DYNC2LI1: variants seen among roughly 807,000 people sequenced by gnomAD.
DYNC2LI1 encodes dynein cytoplasmic 2 light intermediate chain 1.
Under a neutral mutation model 51.9 loss-of-function variants are expected in DYNC2LI1, and 45 were observed. The observed-to-expected ratio is 0.87, with a 90% CI of 0.68 to 1.11. The LOEUF is 1.11. Ranked by LOEUF, DYNC2LI1 falls within the 50% of genes most tolerant of loss-of-function variation. DYNC2LI1 has a pLI of 0.00. For synonymous variants in DYNC2LI1, 130 were observed against 137.8 expected (o/e 0.94, Z 0.40); for missense variants, 490 against 417.4 (o/e 1.17, Z -1.51).
At chr2:43,798,142 A>G (rs527268913) in intron 8 of DYNC2LI1, among the ~76,000 whole-genome samples, 2 of 152,218 alleles carry the variant, frequency 1.3e-5, no homozygotes, top group Admixed American at 6.5e-5. Context: ...TTACATTTGA[A>G]TAATTATTTA....
intron 8 of DYNC2LI1, among the ~76,000 whole-genome samples, chr2:43,798,729 C>CT (rs1665974718): frequency 1.3e-5 from 2 of 152,124 alleles, no homozygotes; most frequent in African/African-American, 2.4e-5. Flanking sequence ...TTTAATAAGC[C>CT]TAAAGGAACA....
At chr2:43,779,517 C>T (rs1673178461) in intron 2 of DYNC2LI1, among the ~76,000 whole-genome samples, 1 of 152,166 alleles carries the variant, frequency 6.6e-6, no homozygotes, top group African/African-American at 2.4e-5. Context: ...GGCATTCTCC[C>T]TGGGAAGCAA....
intron 7 of DYNC2LI1, 56 bp from the exon 8 acceptor site, chr2:43,796,662 C>A: frequency 7.9e-7 from 1 of 1,265,820 alleles, no homozygotes; most frequent in African/African-American, 1.5e-5. Flanking sequence ...TAATTTGAAT[C>A]TTCCTGCTAT....
chr2:43,796,638 T>C, intron 7 of DYNC2LI1, 80 bp from the exon 8 acceptor site: 1 of 997,232 alleles, frequency 1.0e-6, no homozygotes, highest in East Asian at 2.5e-5. Context: ...AGAAATAATC[T>C]ATTCTACATT....
At chr2:43,823,897 G>GCACGTGGGCACTTA in the DYNC2LI1 span, 1 of 1,612,806 alleles carries the variant, frequency 6.2e-7, no homozygotes, top group East Asian at 2.2e-5. Context: ...TGCACCTCCA[G>GCACGTGGGCACTTA]CACGTGGGCA....
chr2:43,822,470 T>TGCC, the DYNC2LI1 span: 5 of 354,558 alleles, frequency 1.4e-5, no homozygotes, highest in Non-Finnish European at 1.1e-5. Context: ...CTTTCTCCCC[T>TGCC]CCCCCAGGCC....
downstream of DYNC2LI1, chr2:43,813,352 A>G (rs369394704): frequency 6.9e-5 from 96 of 1,384,692 alleles, no homozygotes; most frequent in Non-Finnish European, 9.8e-5. Context: ...GGTTTATCTC[A>G]GGTAATTTAA....
At chr2:43,798,992 CTAAT>C (rs1451338587) in intron 8 of DYNC2LI1, among the ~76,000 whole-genome samples, 3 of 151,736 alleles carry the variant, frequency 2.0e-5, no homozygotes, top group African/African-American at 4.8e-5. Context: ...TATGAACAAT[CTAAT>C]TAAGTTAATA....
chr2:43,822,811 G>A, the DYNC2LI1 span: 1 of 1,614,154 alleles, frequency 6.2e-7, no homozygotes, highest in Non-Finnish European at 8.5e-7. Context: ...AGCACACACT[G>A]CTGAAAATCA....
intron 8 of DYNC2LI1, among the ~76,000 whole-genome samples, chr2:43,799,747 A>G (rs1055922236): frequency 6.6e-6 from 1 of 152,202 alleles, no homozygotes; most frequent in Non-Finnish European, 1.5e-5. Flanking sequence ...TCTATGAAAT[A>G]TGTTTGTGAT....
chr2:43,778,555 A>G (rs1293829343), intron 2 of DYNC2LI1, among the ~76,000 whole-genome samples: 2 of 152,214 alleles, frequency 1.3e-5, no homozygotes, highest in African/African-American at 2.4e-5. Context: ...ATGTAGGTAC[A>G]TACATGGATT....
intron 3 of DYNC2LI1, among the ~76,000 whole-genome samples, chr2:43,786,268 G>A (rs1288415858): frequency 1.3e-5 from 2 of 152,024 alleles, no homozygotes; most frequent in African/African-American, 2.4e-5. Flanking sequence ...GCATGATCTC[G>A]GCTTACTGCA....
chr2:43,793,298 A>G (rs1231265282), intron 5 of DYNC2LI1: 1 of 152,292 alleles, frequency 6.6e-6, no homozygotes, highest in Non-Finnish European at 1.5e-5. Flanking sequence ...ACATGGTGAA[A>G]CCTCGTCTCT....
At chr2:43,794,353 C>T in intron 5 of DYNC2LI1, 104 bp from the exon 6 acceptor site, 10 of 1,231,514 alleles carry the variant, frequency 8.1e-6, no homozygotes, top group Non-Finnish European at 9.8e-6. Flanking sequence ...TTTTTTTTCC[C>T]CTTAAGGTAT....
intron 10 of DYNC2LI1, among the ~76,000 whole-genome samples, chr2:43,802,596 A>G (rs144872955): frequency 6.6e-6 from 1 of 152,278 alleles, no homozygotes; most frequent in East Asian, 1.9e-4. Context: ...GTACTGATAG[A>G]TAATGCTGAT....
chr2:43,809,977 T>A lies in DYNC2LI1; in HGVS notation c.*210T>A. 5 of 1,257,162 alleles carry A rather than the reference T, an allele frequency of 4.0e-6. No homozygotes were observed. Among genetic ancestry groups the A allele is most frequent in the African/African-American group, 1.5e-5 (1 of 64,878 alleles). 77.9% of individuals were successfully genotyped at this position (1,257,162 alleles called of 1,614,324 possible). A position where few individuals can be genotyped will look rare whatever the true frequency, so the allele number is the denominator to read the frequency against. The stretch of plus-strand genomic sequence containing the variant: ...TTGTAGAACCACGTGTAATTTTTTT[T>A]AAAATAAAAGAATCTTCTACTACCT... On this transcript the variant is annotated 3_prime_UTR_variant, in exon 13 of 13. Transcript: ENST00000260605.
At chr2:43,784,388 A>C (rs1425150288) in intron 3 of DYNC2LI1, among the ~76,000 whole-genome samples, 1 of 152,226 alleles carries the variant, frequency 6.6e-6, no homozygotes, top group Non-Finnish European at 1.5e-5. Context: ...ACACCAGCTT[A>C]GGATAAAATA....
downstream of DYNC2LI1, chr2:43,812,894 A>C (rs896210097): frequency 1.8e-6 from 1 of 557,306 alleles, no homozygotes; most frequent in East Asian, 3.0e-5. Context: ...ACAATTTCCA[A>C]ATAACCACAT....
Position 43,789,635 on chromosome 2 carries a change from A to T in DYNC2LI1, c.234A>T (p.Pro78=), listed in dbSNP as rs1271820940. 5.6e-6 allele frequency: 9 copies of T among 1,613,390 alleles called. No individual in the cohort carries two copies. The Admixed American group carries it at 1.5e-4, about 27-fold the overall frequency. The change falls in exon 5 of 13, where the codon CCA becomes CCT. Residue 78 remains proline (P), a splice_region_variant and synonymous_variant. Transcript: ENST00000260605. The part of the protein sequence containing the change: ...YGRRAKGHNT[P]KDIAHFWELG... ...AATCAAAAATTTTTGTTTTTCAGCC[A>T]AAAGATATCGCTCACTTTTGGGAAC...
Sources: allele counts gnomAD v4.1 joint callset (sites outside exome capture counted in the v4.1 genomes callset), GRCh38; gene constraint gnomAD v4.1.1; transcripts MANE v1.5; gene names NCBI Gene and HGNC (gene_info 2026-07-23, HGNC 2026-07-21).